The following SMURF2 variants were observed in gnomAD, a reference collection of about 807,000 sequenced individuals.
SMURF2 encodes E3 ubiquitin-protein ligase SMURF2.
Under a neutral mutation model 109.6 loss-of-function variants are expected in SMURF2, and 48 were observed. The ratio of observed to expected loss-of-function variants is 0.44; its 90% CI spans 0.35 to 0.56. The LOEUF is 0.56. SMURF2 is among the 20% of genes least tolerant of loss of function. SMURF2 has a pLI of 0.01. For synonymous variants in SMURF2, 288 were observed against 317.1 expected (o/e 0.91, Z 0.97); for missense variants, 575 against 909.0 (o/e 0.63, Z 4.72).
rs12602534 is a variant in SMURF2 at position 64,627,039 on chromosome 17, C to T, written c.53-20399G>A. Among the ~76,000 whole-genome samples, 860 of 151,266 alleles carry T rather than the reference C, an allele frequency of 5.7e-3. 48 individuals are homozygous for T. The East Asian group carries it at 0.14, about 24-fold the overall frequency. On this transcript the variant is annotated intron_variant, in intron 1 of 18. Transcript: ENST00000262435. Reference sequence around the variant, plus strand: ...TGATACTGAGTGAGGACAAGCTGATCCTGCCAAGCCCTGTACAAATTACAG... The same window carrying T: ...TGATACTGAGTGAGGACAAGCTGATTCTGCCAAGCCCTGTACAAATTACAG...
intron 2 of SMURF2, 34 bp downstream of exon 2, chr17:64,606,568 T>A: frequency 6.9e-7 from 1 of 1,446,466 alleles, no homozygotes; most frequent in East Asian, 2.4e-5. Flanking sequence ...AAGATCTACA[T>A]ACAATACACA....
In SMURF2 at chr17:64,542,895, C is replaced by T. The variant is rs1219932597; in HGVS notation, c.*2953G>A. 5 of 152,178 alleles carry T rather than the reference C, an allele frequency of 3.3e-5. No individual in the cohort carries two copies. Among genetic ancestry groups the T allele is most frequent in the African/African-American group, 9.7e-5 (4 of 41,410 alleles). The allele number at this position is 152,178 out of a possible 1,614,324, so 9.4% of individuals were successfully genotyped here. A position where few individuals can be genotyped will look rare whatever the true frequency, so the allele number is the denominator to read the frequency against. On this transcript the variant is annotated 3_prime_UTR_variant, in exon 19 of 19. Transcript: ENST00000262435. ...TACACTATACACTATACACTATGCA[C>T]TATTTAAAAACTACACCAAGATACA...
In SMURF2 at chr17:64,561,464, G is replaced by A. The variant is rs545779180; in HGVS notation, c.1316+36C>T. ...AGTAGCTTAAATTTGTAAGTACAAA[G>A]ATCCATATGTCATAAGCTGGCAAGC... On this transcript the variant is annotated intron_variant, in intron 12 of 18. Transcript: ENST00000262435. The A allele has an allele frequency of 2.1e-4, 284 of 1,383,700 alleles. 4 individuals carry two copies. The South Asian group carries it at 3.2e-3, about 16-fold the overall frequency. The allele number at this position is 1,383,700 out of a possible 1,614,324, so 85.7% of individuals were successfully genotyped here.
At chr17:64,552,846 G>C (rs1393820489) in intron 15 of SMURF2, among the ~76,000 whole-genome samples, 1 of 152,104 alleles carries the variant, frequency 6.6e-6, no homozygotes, top group African/African-American at 2.4e-5. Flanking sequence ...TGGGATTACA[G>C]GTGCCTGCCA....
chr17:64,556,015 T>A lies in SMURF2; in HGVS notation c.1432-17A>T, dbSNP rs782315775. 6.4e-6 allele frequency: 10 copies of A among 1,569,730 alleles called. No individual in the cohort carries two copies. Among genetic ancestry groups the A allele is most frequent in the Non-Finnish European group, 8.7e-6 (10 of 1,151,062 alleles). ...TAAATGTTCCTGAAATTGAAAACAG[T>A]ATATATACTCGTTAGGCACTACCCA... On this transcript the variant is annotated splice_polypyrimidine_tract_variant and intron_variant, in intron 13 of 18. Transcript: ENST00000262435.
chr17:64,651,209 T>A (rs1555693465), intron 1 of SMURF2, among the ~76,000 whole-genome samples: 1 of 145,142 alleles, frequency 6.9e-6, no homozygotes, highest in Non-Finnish European at 1.5e-5. Context: ...ATATATATAT[T>A]TTTGTGTATA....
chr17:64,570,306 A>G (rs1452059385), intron 10 of SMURF2, among the ~76,000 whole-genome samples: 3 of 152,240 alleles, frequency 2.0e-5, no homozygotes, highest in Non-Finnish European at 4.4e-5. Flanking sequence ...CAGAGCAGGT[A>G]ATGTCACCAT....
At chr17:64,612,670 T>TCCC (rs528554301) in intron 1 of SMURF2, among the ~76,000 whole-genome samples, 1 of 152,026 alleles carries the variant, frequency 6.6e-6, no homozygotes, top group African/African-American at 2.4e-5. Context: ...TGAGACACTG[T>TCCC]CCCCCTCCCT....
At chr17:64,586,946 A>G (rs1969670046) in intron 5 of SMURF2, among the ~76,000 whole-genome samples, 1 of 151,984 alleles carries the variant, frequency 6.6e-6, no homozygotes, top group South Asian at 2.1e-4. Flanking sequence ...CAGGCAGATC[A>G]TGAGGTCAGG....
Position 64,557,734 on chromosome 17 carries a change from G to C in SMURF2, c.1317-12C>G, listed in dbSNP as rs556704075. ...GATACAACCATTCCCTAGAAAACAA[G>C]ATATGACCAAGGAATTTTTTTGTTA... On this transcript the variant is annotated splice_polypyrimidine_tract_variant and intron_variant, in intron 12 of 18. Transcript: ENST00000262435. The C allele has an allele frequency of 1.8e-5, 27 of 1,520,012 alleles. No homozygotes were observed. In the African/African-American group the frequency reaches 3.7e-4, roughly 21 times the overall value. 94.2% of individuals were successfully genotyped at this position (1,520,012 alleles called of 1,614,324 possible). A position where few individuals can be genotyped will look rare whatever the true frequency, so the allele number is the denominator to read the frequency against.
intron 1 of SMURF2, among the ~76,000 whole-genome samples, chr17:64,613,530 TAAGGGAGTAACAGGAGAGA>T (rs148643047): frequency 0.031 from 4,775 of 151,840 alleles, 95 homozygotes; most frequent in Non-Finnish European, 0.051. Context: ...TGCTGGGCAG[TAAGGGAGTAACAGGAGAGA>T]AATCTTGTTA....
chr17:64,570,738 C>T (rs1969385794), intron 10 of SMURF2, among the ~76,000 whole-genome samples: 1 of 152,128 alleles, frequency 6.6e-6, no homozygotes, highest in African/African-American at 2.4e-5. Flanking sequence ...GTAGCTAACT[C>T]ACAGAGTTTT....
At chr17:64,633,701 C>T (rs1483273348) in intron 1 of SMURF2, among the ~76,000 whole-genome samples, 1 of 152,112 alleles carries the variant, frequency 6.6e-6, no homozygotes, top group Non-Finnish European at 1.5e-5. Flanking sequence ...CCCTACAATT[C>T]TGAGCCTTCA....
At position 64,551,580 on chromosome 17, in the gene SMURF2, T is replaced by G; in HGVS notation, c.1869+4A>C. The G allele has an allele frequency of 6.2e-7, 1 of 1,613,694 alleles. No individual in the cohort carries two copies. The highest frequency in any genetic ancestry group is 8.5e-7 in the Non-Finnish European group (1 of 1,179,774). ...TAGTGATGTTATAATACTAATGCACTAACCTCTAACTCCTTCTCATCAAAT... is the reference window on the plus strand; with the variant it reads ...TAGTGATGTTATAATACTAATGCACGAACCTCTAACTCCTTCTCATCAAAT... On this transcript the variant is annotated splice_donor_region_variant and intron_variant, in intron 16 of 18. Coordinates refer to ENST00000262435, the MANE Select transcript of SMURF2 (RefSeq NM_022739.4).
chr17:64,610,114 C>G (rs1334754748), intron 1 of SMURF2, among the ~76,000 whole-genome samples: 1 of 152,086 alleles, frequency 6.6e-6, no homozygotes, highest in Non-Finnish European at 1.5e-5. Context: ...ACAACAGATG[C>G]TGGAGAGGAT....
At chr17:64,609,525 G>C (rs1970014208) in intron 1 of SMURF2, among the ~76,000 whole-genome samples, 1 of 152,144 alleles carries the variant, frequency 6.6e-6, no homozygotes, top group South Asian at 2.1e-4. Flanking sequence ...ATGGGGGAAA[G>C]GATTCCCTAT....
chr17:64,569,473 T>C (rs749868055), intron 10 of SMURF2, among the ~76,000 whole-genome samples: 26 of 151,808 alleles, frequency 1.7e-4, no homozygotes, highest in Non-Finnish European at 8.8e-5. Flanking sequence ...AAAAAGTTGA[T>C]GCAGCTGGTC....
chr17:64,610,170 T>C lies in SMURF2; in HGVS notation c.53-3530A>G, dbSNP rs538381298. Among the ~76,000 whole-genome samples, 4 of 152,306 alleles carry C rather than the reference T, an allele frequency of 2.6e-5. No individual in the cohort carries two copies. In the South Asian group the frequency reaches 8.3e-4, roughly 32 times the overall value. ...TTACACTGTTGGTGGGCATGTAAAT[T>C]AGTTCAACCATTGTGAAAGACAGTG... On this transcript the variant is annotated intron_variant, in intron 1 of 18. Transcript: ENST00000262435.
intron 14 of SMURF2, 123 bp downstream of exon 14, chr17:64,555,697 T>A: frequency 3.5e-6 from 2 of 575,574 alleles, no homozygotes; most frequent in Non-Finnish European, 5.8e-6. Flanking sequence ...TCATATGCGA[T>A]CCTATCACTC....
Sources: allele counts gnomAD v4.1 joint callset (sites outside exome capture counted in the v4.1 genomes callset), GRCh38; gene constraint gnomAD v4.1.1; transcripts MANE v1.5; gene names NCBI Gene and HGNC (gene_info 2026-07-23, HGNC 2026-07-21).